Variants in NOL4 observed in about 807,000 individuals in gnomAD.
NOL4 encodes cancer/testis antigen 125.
A neutral mutation model predicts 75.9 loss-of-function variants in NOL4; 17 were observed. The ratio of observed to expected loss-of-function variants is 0.22; its 90% CI spans 0.15 to 0.34. NOL4 has a LOEUF of 0.34. Ranked by LOEUF, NOL4 falls within the 10% of genes least tolerant of loss-of-function variation. The pLI, the probability that NOL4 is intolerant of heterozygous loss-of-function variation, is 1.00. For synonymous variants in NOL4, 292 were observed against 289.9 expected (o/e 1.01, Z -0.07); for missense variants, 614 against 793.5 (o/e 0.77, Z 2.72).
At chr18:33,945,871 T>C (rs979239833) in intron 8 of NOL4, among the ~76,000 whole-genome samples, 10 of 151,692 alleles carry the variant, frequency 6.6e-5, no homozygotes, top group Admixed American at 3.3e-4. Context: ...CTCTCAACTT[T>C]GAAGAACTGA....
chr18:33,998,138 G>A (rs1453841842), intron 6 of NOL4, among the ~76,000 whole-genome samples: 3 of 152,008 alleles, frequency 2.0e-5, no homozygotes, highest in African/African-American at 4.8e-5. Flanking sequence ...AAGAAAGAGA[G>A]TCATAGTTAA....
At chr18:34,009,900 A>G (rs748172779) in intron 6 of NOL4, among the ~76,000 whole-genome samples, 2 of 151,962 alleles carry the variant, frequency 1.3e-5, no homozygotes, top group African/African-American at 2.4e-5. Flanking sequence ...AAACTAACAG[A>G]GCCTAATTCC....
chr18:34,112,866 C>T (rs1470698804), intron 2 of NOL4, among the ~76,000 whole-genome samples: 1 of 152,134 alleles, frequency 6.6e-6, no homozygotes, highest in East Asian at 1.9e-4. Flanking sequence ...ACCACATGTA[C>T]CCACAAATGG....
At chr18:33,883,176 T>G in intron 10 of NOL4, 68 bp downstream of exon 10, 1 of 1,233,086 alleles carries the variant, frequency 8.1e-7, no homozygotes, top group Non-Finnish European at 1.1e-6. Context: ...CTGCGCAATG[T>G]GCACATGTAC....
intron 1 of NOL4, among the ~76,000 whole-genome samples, chr18:34,163,658 A>G (rs1165277962): frequency 5.9e-5 from 9 of 152,220 alleles, no homozygotes; most frequent in Non-Finnish European, 1.2e-4. Flanking sequence ...GAAAATGGCT[A>G]TACTGCCCAA....
At chr18:33,919,016 T>A (rs1476779631) in intron 9 of NOL4, among the ~76,000 whole-genome samples, 1 of 152,146 alleles carries the variant, frequency 6.6e-6, no homozygotes, top group Non-Finnish European at 1.5e-5. Context: ...TTAAATAAAA[T>A]ACCTTTTATT....
intron 1 of NOL4, among the ~76,000 whole-genome samples, chr18:34,190,214 G>C (rs914097721): frequency 1.3e-4 from 19 of 151,746 alleles, no homozygotes; most frequent in African/African-American, 4.1e-4. Flanking sequence ...TATATAAAGT[G>C]GCAAAACAGA....
intron 5 of NOL4, among the ~76,000 whole-genome samples, chr18:34,054,403 T>C (rs974563438): frequency 1.3e-5 from 2 of 151,956 alleles, no homozygotes; most frequent in South Asian, 2.1e-4. Flanking sequence ...CACGAATATT[T>C]ATAAAATATT....
chr18:33,934,826 G>T (rs1213247892), intron 9 of NOL4, among the ~76,000 whole-genome samples: 1 of 145,604 alleles, frequency 6.9e-6, no homozygotes, highest in Non-Finnish European at 1.5e-5. Flanking sequence ...AGGCCGTTTT[G>T]CTTTTTTATC....
intron 10 of NOL4, among the ~76,000 whole-genome samples, chr18:33,866,783 G>T (rs544881528): frequency 6.6e-6 from 1 of 152,250 alleles, no homozygotes; most frequent in African/African-American, 2.4e-5. Context: ...AGAGAGAAGA[G>T]TTACTTTTTA....
At chr18:33,936,192 G>A (rs1198970069) in intron 9 of NOL4, among the ~76,000 whole-genome samples, 2 of 152,078 alleles carry the variant, frequency 1.3e-5, no homozygotes, top group South Asian at 2.1e-4. Context: ...CCACGCTTAC[G>A]TGGCTACATT....
At chr18:33,957,649 GC>G (rs2069752348) in intron 7 of NOL4, 132 bp from the exon 8 acceptor site, 1 of 603,466 alleles carries the variant, frequency 1.7e-6, no homozygotes, top group African/African-American at 1.9e-5. Flanking sequence ...GCAATGGAAA[GC>G]CAGAAATTTT....
At chr18:34,163,646 G>A (rs1039092137) in intron 1 of NOL4, among the ~76,000 whole-genome samples, 59 of 152,268 alleles carry the variant, frequency 3.9e-4, no homozygotes, top group Admixed American at 1.8e-3. Flanking sequence ...AATCAATACC[G>A]TGAAAATGGC....
Position 34,183,798 on chromosome 18 carries a change from G to A in NOL4, c.264+39192C>T, listed in dbSNP as rs1479456045. On this transcript the variant is annotated intron_variant, in intron 1 of 10. Transcript: ENST00000261592. ...AATAGAGACAAGAGAACCCACCAGT[G>A]GTTAGAGGAGCTGTCTACAAAAAGG... 2.6e-5 allele frequency among the ~76,000 whole-genome samples: 4 copies of A among 151,824 alleles called. No homozygotes were observed. The East Asian group carries it at 7.7e-4, about 29-fold the overall frequency.
chr18:34,204,921 A>G (rs143824620), intron 1 of NOL4, among the ~76,000 whole-genome samples: 2 of 152,138 alleles, frequency 1.3e-5, no homozygotes, highest in African/African-American at 4.8e-5. Context: ...TGTGAAGTAG[A>G]TATCATTTAC....
At chr18:34,199,448 CACACACAAAT>C (rs1223739449) in intron 1 of NOL4, among the ~76,000 whole-genome samples, 1 of 151,786 alleles carries the variant, frequency 6.6e-6, no homozygotes, top group South Asian at 2.1e-4. Context: ...TCTGTCCCCC[CACACACAAAT>C]ACACACAAAT....
At chr18:34,202,075 T>C (rs1312029045) in intron 1 of NOL4, among the ~76,000 whole-genome samples, 1 of 151,926 alleles carries the variant, frequency 6.6e-6, no homozygotes, top group Non-Finnish European at 1.5e-5. Flanking sequence ...CTGGATCTGG[T>C]AACCAGTTAG....
chr18:34,142,704 A>G (rs947454537), intron 1 of NOL4, among the ~76,000 whole-genome samples: 1 of 152,164 alleles, frequency 6.6e-6, no homozygotes, highest in Non-Finnish European at 1.5e-5. Context: ...GGATGGAGGG[A>G]TAGCTTTAGG....
rs201612461 is a variant in NOL4 at position 33,940,728 on chromosome 18, GA to G, written c.1542+2336del. 7.7e-3 allele frequency among the ~76,000 whole-genome samples: 1,161 copies of G among 151,502 alleles called. 11 individuals carry two copies. Among genetic ancestry groups the G allele is most frequent in the African/African-American group, 0.026 (1,069 of 41,258 alleles). On this transcript the variant is annotated intron_variant, in intron 9 of 10. Coordinates refer to ENST00000261592, the MANE Select transcript of NOL4 (RefSeq NM_003787.5). ...AAAACAAAACAAAACAAAAACGGGG[GA>G]AAAAAAGAAAACAGTATTTTTTTGT...
Sources: gnomAD v4.1 joint callset for allele counts (sites outside exome capture counted in the v4.1 genomes callset) on GRCh38, gnomAD v4.1.1 for gene constraint, MANE v1.5 for transcripts, NCBI Gene and HGNC (gene_info 2026-07-23, HGNC 2026-07-21) for gene names.